Variants in SORBS3 observed in about 807,000 individuals in gnomAD.
The protein encoded by SORBS3 is sorbin and SH3 domain containing 3, also known as vinexin.
Under a neutral mutation model 98.0 loss-of-function variants are expected in SORBS3, and 69 were observed. The ratio of observed to expected loss-of-function variants is 0.70; its 90% CI spans 0.58 to 0.86. The LOEUF (loss-of-function observed/expected upper bound fraction) is 0.86. SORBS3 is among the 40% of genes least tolerant of loss of function. The pLI is 0.00. For missense variants in SORBS3, 954 were observed against 908.5 expected, an observed-to-expected ratio of 1.05 and a Z score of -0.64; for synonymous variants, 394 against 355.4, an observed-to-expected ratio of 1.11 and a Z score of -1.22.
rs145001383 is a variant in SORBS3, at chr8:22,563,075, C to T, written c.585-912C>T. ...CGGAGCTTGCAGTGAGCCGGGATTG[C>T]GCCACTGCACTCCAGCCTGGGCGAC... On this transcript the variant is annotated intron_variant, in intron 7 of 20. Transcript: ENST00000240123. Among the ~76,000 whole-genome samples, 354 of 151,784 alleles carry T rather than the reference C, an allele frequency of 2.3e-3. 2 individuals are homozygous for T. The highest frequency in any genetic ancestry group is 8.1e-3 in the African/African-American group (335 of 41,312).
Position 22,566,491 on chromosome 8 carries a change from A to G in SORBS3, c.1090+7A>G, listed in dbSNP as rs1563831470. 1.2e-6 allele frequency: 2 copies of G among 1,612,872 alleles called. No homozygotes were observed. The highest frequency in any genetic ancestry group is 1.7e-6 in the Non-Finnish European group (2 of 1,179,386). ...TACCCTTCCTCAACCCGAGGTAAGG[A>G]CCCAGCCCTGCTCTCTTTCTCACGG... is the stretch of plus-strand genomic sequence containing the variant. On this transcript the variant is annotated splice_region_variant and intron_variant, in intron 13 of 20. Coordinates refer to ENST00000240123, the MANE Select transcript of SORBS3 (RefSeq NM_005775.5).
intron 5 of SORBS3, 45 bp downstream of exon 5, chr8:22,558,237 G>T: frequency 6.4e-7 from 1 of 1,572,710 alleles, no homozygotes; most frequent in Non-Finnish European, 8.8e-7. Flanking sequence ...AGTGGATTCT[G>T]GCCCCTGGGG....
At position 22,561,857 on chromosome 8, in the gene SORBS3, C is replaced by T; in HGVS notation, c.518-8C>T. ...CTTCAATGCTTTCCTCGTGTACCTC[C>T]TCTGCAGACCCCAGGCATCTAGGAG... On this transcript the variant is annotated splice_region_variant and splice_polypyrimidine_tract_variant and intron_variant, in intron 6 of 20. Transcript: ENST00000240123. The T allele has an allele frequency of 1.2e-6, 2 of 1,613,882 alleles. No individual in the cohort carries two copies. Among genetic ancestry groups the T allele is most frequent in the Non-Finnish European group, 1.7e-6 (2 of 1,179,716 alleles).
At chr8:22,552,591 C>T (rs1017564334) in intron 1 of SORBS3, among the ~76,000 whole-genome samples, 5 of 146,084 alleles carry the variant, frequency 3.4e-5, no homozygotes, top group Non-Finnish European at 7.4e-5. Context: ...CCTCTGACTA[C>T]GGGTCGTGGG....
intron 1 of SORBS3, chr8:22,545,421 C>A (rs1840006364): frequency 6.6e-6 from 1 of 152,320 alleles, no homozygotes; most frequent in Non-Finnish European, 1.5e-5. Context: ...GGTTTGGGAC[C>A]TGACCTGCCT....
upstream of SORBS3, among the ~76,000 whole-genome samples, chr8:22,550,460 T>C (rs1840063565): frequency 6.6e-6 from 1 of 152,262 alleles, no homozygotes; most frequent in South Asian, 2.1e-4. Context: ...CTGCTGCTGG[T>C]GCAGCTGTGT....
Position 22,561,316 on chromosome 8 carries a change from G to A in SORBS3, c.479-19G>A. On this transcript the variant is annotated intron_variant, in intron 5 of 20. Coordinates refer to ENST00000240123, the MANE Select transcript of SORBS3 (RefSeq NM_005775.5). ...GCTTTCTGCCCCGTCCCATGACCTG[G>A]TCCCTTCTGCTCCTGCAGACTTGCA... 6.3e-7 allele frequency: 1 copy of A among 1,586,040 alleles called. No individual in the cohort carries two copies. Among genetic ancestry groups the A allele is most frequent in the Non-Finnish European group, 8.6e-7 (1 of 1,163,522 alleles).
Position 22,566,836 on chromosome 8 carries a change from G to T in SORBS3, c.1158G>T (p.Arg386Ser), listed in dbSNP as rs1286762220. 22 of 1,613,428 alleles carry T rather than the reference G, an allele frequency of 1.4e-5. No homozygotes were observed. Among genetic ancestry groups the T allele is most frequent in the Non-Finnish European group, 1.9e-5 (22 of 1,179,746 alleles). The change falls in exon 15 of 21, where the codon AGG becomes AGT. Residue 386 changes from arginine (R) to serine (S), a missense_variant. Transcript: ENST00000240123. ...CCCCTGCCTAGAGAAAGGCCGCCAG[G>T]CTCAAGTTTGACTTCCAGGCGCAGT... ...RREEKKRKAA[R>S]LKFDFQAQSP...
rs1317508339 is a variant in SORBS3, at chr8:22,554,169, C to A, written c.-55-283C>A. 3 of 228,954 alleles carry A rather than the reference C, an allele frequency of 1.3e-5. No homozygotes were observed. Among genetic ancestry groups the A allele is most frequent in the East Asian group, 1.1e-4 (1 of 9,320 alleles). The allele number at this position is 228,954 out of a possible 1,614,324, so 14.2% of individuals were successfully genotyped here. On this transcript the variant is annotated intron_variant, in intron 1 of 20. Transcript: ENST00000240123. This position sits in a 1 kb window ranked among gnomAD's most constrained non-coding sequence, Gnocchi z 6.5. ...GAGAGCCCCACGGGCTCCTGGCCAG[C>A]CCCTCCCCTCCTCCTCACCCAAGCT...
intron 1 of SORBS3, among the ~76,000 whole-genome samples, chr8:22,546,783 C>T (rs75594142): frequency 0.011 from 1,698 of 152,210 alleles, 27 homozygotes; most frequent in African/African-American, 0.036. Context: ...CTACCAAGAA[C>T]GGGAAGTGTC....
Position 22,571,150 on chromosome 8 carries a change from T to A in SORBS3, c.1672T>A (p.Leu558Met). 6.3e-7 allele frequency: 1 copy of A among 1,594,278 alleles called. No individual in the cohort carries two copies. The highest frequency in any genetic ancestry group is 8.5e-7 in the Non-Finnish European group (1 of 1,172,562). The change falls in exon 18 of 21, where the codon TTG becomes ATG. Residue 558 changes from leucine (L) to methionine (M), a missense_variant. Transcript: ENST00000240123. ...GCGCAGCCCAGCTGACCCCATCGAC[T>A]TGGGGGGACAGACCTCCCCCCGTCG... is the stretch of plus-strand genomic sequence containing the variant. ...ALRSPADPID[L>M]GGQTSPRRTG...
intron 12 of SORBS3, chr8:22,566,083 C>A (rs561951341): frequency 6.2e-5 from 35 of 563,692 alleles, no homozygotes; most frequent in Non-Finnish European, 8.4e-5. Flanking sequence ...AGCAGAGGAC[C>A]GGGGTCGCGG....
intron 19 of SORBS3, 76 bp downstream of exon 19, chr8:22,571,897 C>A: frequency 1.9e-6 from 2 of 1,041,484 alleles, no homozygotes; most frequent in South Asian, 1.3e-5. Context: ...TCCACCCTCC[C>A]CCAAGTCCCC....
Position 22,566,405 on chromosome 8 carries a change from CCT to C in SORBS3, c.1012_1013del (p.Leu338GlufsTer7). On this transcript the variant is annotated frameshift_variant, in exon 13 of 21. Coordinates refer to ENST00000240123, the MANE Select transcript of SORBS3 (RefSeq NM_005775.5). LOFTEE classifies it high-confidence loss of function. Reference protein sequence around the residue: ...HAPYLGSARSLSPHKMADGGS... With the variant: ...HAPYLGSARSXSPHKMADGGS... ...CACCTTACCTGGGTTCCGCCCGGTCCCTGAGTCCCCACAAAATGGCTGATGGA... is the reference window on the plus strand; with the variant it reads ...CACCTTACCTGGGTTCCGCCCGGTCCGAGTCCCCACAAAATGGCTGATGGA... 1.9e-6 allele frequency: 3 copies of C among 1,614,102 alleles called. No individual in the cohort carries two copies. Among genetic ancestry groups the C allele is most frequent in the Non-Finnish European group, 2.5e-6 (3 of 1,179,982 alleles).
intron 20 of SORBS3, chr8:22,573,509 C>T (rs1237740276): frequency 2.3e-6 from 1 of 437,012 alleles, no homozygotes; most frequent in Non-Finnish European, 4.6e-6. Flanking sequence ...TGCACAGGCA[C>T]ATCTCAAGTG....
intron 12 of SORBS3, 183 bp downstream of exon 12, chr8:22,566,055 C>T (rs1051488919): frequency 9.1e-5 from 50 of 552,002 alleles, no homozygotes; most frequent in Non-Finnish European, 1.0e-4. Context: ...CCCGCGCCAC[C>T]GAGGGCAGCT....
chr8:22,552,459 G>A (rs906337241), intron 1 of SORBS3, among the ~76,000 whole-genome samples: 2 of 152,230 alleles, frequency 1.3e-5, no homozygotes, highest in African/African-American at 4.8e-5. Context: ...TCCTCCCTAA[G>A]TCTCCTGACC....
At chr8:22,561,959 C>T (rs981430953) in intron 7 of SORBS3, 28 bp downstream of exon 7, 3 of 1,610,554 alleles carry the variant, frequency 1.9e-6, no homozygotes, top group Non-Finnish European at 1.7e-6. Flanking sequence ...GGGCCGAGGG[C>T]TGCGGAGGGG....
At chr8:22,560,530 G>A (rs1840270776) in intron 5 of SORBS3, among the ~76,000 whole-genome samples, 2 of 152,168 alleles carry the variant, frequency 1.3e-5, no homozygotes, top group South Asian at 4.1e-4. Context: ...AAAGAAAAAT[G>A]TGACCAGTGG....
Sources: allele counts gnomAD v4.1 joint callset (sites outside exome capture counted in the v4.1 genomes callset), GRCh38; gene constraint gnomAD v4.1.1; non-coding constraint Gnocchi (gnomAD v3.1); transcripts MANE v1.5; gene names NCBI Gene and HGNC (gene_info 2026-07-23, HGNC 2026-07-21).